The following MSN variants were observed in gnomAD, a reference collection of about 807,000 sequenced individuals.
MSN encodes the protein epididymis luminal protein 70.
Under a neutral mutation model 48.0 loss-of-function variants are expected in MSN, and 2 were observed. That is an observed-to-expected ratio of 0.04 (90% CI 0.02 to 0.13). The LOEUF (loss-of-function observed/expected upper bound fraction) is 0.13, where lower values mean the gene tolerates loss of function less well. MSN is among the 10% of genes least tolerant of loss of function. The probability of loss-of-function intolerance (pLI) is 1.00; values close to 1 mark genes in which losing one functional copy is unlikely to be tolerated. For synonymous variants in MSN, 146 were observed against 166.9 expected (o/e 0.87, Z 0.97); for missense variants, 267 against 470.1 (o/e 0.57, Z 3.99).
intron 1 of MSN, among the ~76,000 whole-genome samples, chrX:65,675,348 G>A (rs1346163581): frequency 1.8e-5 from 2 of 111,277 alleles, no homozygotes; most frequent in African/African-American, 6.5e-5. Flanking sequence ...GACATGAACA[G>A]GGCCTTAAAG....
intron 1 of MSN, among the ~76,000 whole-genome samples, chrX:65,619,886 G>T (rs915437959): frequency 9.1e-6 from 1 of 109,659 alleles, no homozygotes; most frequent in Non-Finnish European, 1.9e-5. Flanking sequence ...ATGGGTTTTT[G>T]GTGTGGATGT....
At chrX:65,712,799 C>T (rs1380879801) in intron 1 of MSN, among the ~76,000 whole-genome samples, 1 of 111,405 alleles carries the variant, frequency 9.0e-6, no homozygotes, top group East Asian at 2.8e-4. Flanking sequence ...TGTGGCTGTA[C>T]TATATACATT....
chrX:65,693,577 G>A (rs966304060), intron 1 of MSN, among the ~76,000 whole-genome samples: 5 of 111,822 alleles, frequency 4.5e-5, no homozygotes, highest in Non-Finnish European at 9.4e-5. Flanking sequence ...GTCTTCCTGC[G>A]ATTTTTTTGG....
chrX:65,725,648 C>G (rs1184077475), intron 2 of MSN, among the ~76,000 whole-genome samples: 1 of 111,950 alleles, frequency 8.9e-6, no homozygotes, highest in Admixed American at 9.5e-5. Context: ...TACATTTCAA[C>G]ATAAGCATTC....
intron 1 of MSN, among the ~76,000 whole-genome samples, chrX:65,651,789 A>T (rs1425323752): frequency 3.8e-5 from 4 of 105,942 alleles, no homozygotes; most frequent in African/African-American, 1.4e-4. Context: ...GGGTTTCATC[A>T]CATTGGCCAC....
intron 1 of MSN, among the ~76,000 whole-genome samples, chrX:65,616,289 CCTTGGGCAGTA>C (rs1444488184): frequency 2.9e-5 from 3 of 102,176 alleles, no homozygotes; most frequent in Admixed American, 1.1e-4. Context: ...CTGTAAATTA[CCTTGGGCAGTA>C]TGGCCATTTT....
chrX:65,649,566 A>T (rs1390977822), intron 1 of MSN, among the ~76,000 whole-genome samples: 1 of 90,667 alleles, frequency 1.1e-5, no homozygotes, highest in African/African-American at 4.4e-5. Flanking sequence ...ACAGAGAGAG[A>T]CTCTATCTCA....
At chrX:65,672,183 G>C (rs755848494) in intron 1 of MSN, among the ~76,000 whole-genome samples, 21 of 112,241 alleles carry the variant, frequency 1.9e-4, no homozygotes, top group African/African-American at 6.8e-4. Context: ...GGTCCCCAGA[G>C]GGGAGAATAT....
At chrX:65,609,799 C>T (rs951521889) in intron 1 of MSN, among the ~76,000 whole-genome samples, 1 of 110,893 alleles carries the variant, frequency 9.0e-6, no homozygotes, top group Admixed American at 9.6e-5. Flanking sequence ...AGGAGAATCA[C>T]TCGAACCCGG....
At chrX:65,641,066 G>A (rs986187341) in intron 1 of MSN, among the ~76,000 whole-genome samples, 9 of 111,032 alleles carry the variant, frequency 8.1e-5, no homozygotes, top group Admixed American at 2.9e-4. Flanking sequence ...CCAAGGTCGC[G>A]CCATTGCACT....
intron 1 of MSN, among the ~76,000 whole-genome samples, chrX:65,616,446 G>A (rs1278394839): frequency 1.3e-5 from 1 of 74,694 alleles, no homozygotes; most frequent in Non-Finnish European, 2.6e-5. Context: ...GGATTCCTAG[G>A]TATTTTATTC....
chrX:65,598,102 C>G (rs1215253837), intron 1 of MSN, among the ~76,000 whole-genome samples: 1 of 111,166 alleles, frequency 9.0e-6, no homozygotes, highest in African/African-American at 3.3e-5. Flanking sequence ...CAGGAAGCAC[C>G]AGAACTATTT....
chrX:65,673,284 T>G (rs1211952604), intron 1 of MSN, among the ~76,000 whole-genome samples: 2 of 111,466 alleles, frequency 1.8e-5, no homozygotes, highest in Admixed American at 1.9e-4. Context: ...CCTTTTTATT[T>G]CTGCTGAAAG....
rs2071626279 is a variant in MSN at position 65,731,906 on chromosome X, G to A, written c.620G>A (p.Ser207Asn). The change falls in exon 6 of 13, where the codon AGC becomes AAC. Residue 207 changes from serine to asparagine, a missense_variant. Transcript: ENST00000360270. ...DLEMYGVNYFSIKNKKGSELW... is the reference protein window; with the variant it reads ...DLEMYGVNYFNIKNKKGSELW... ...GAGATGTATGGTGTGAACTACTTCA[G>A]CATCAAGAACAAGAAAGGCTCAGAG... 8.3e-7 allele frequency: 1 copy of A among 1,208,249 alleles called. No homozygotes were observed. The highest frequency in any genetic ancestry group is 1.8e-5 in the African/African-American group (1 of 56,832).
At position 65,667,863 on chromosome X, in the gene MSN, G is replaced by A. The variant is rs1177915971; in HGVS notation, c.12+10G>A. On this transcript the variant is annotated intron_variant, in intron 1 of 12. Transcript: ENST00000360270. ...CACCATGCCCAAAACGGTGAGTGCC[G>A]GAGGTGGGCGCTGTCGACCCCAATG... 35 of 1,207,208 alleles carry A rather than the reference G, an allele frequency of 2.9e-5. No individual in the cohort carries two copies. Among genetic ancestry groups the A allele is most frequent in the African/African-American group, 3.5e-5 (2 of 57,420 alleles).
chrX:65,675,810 G>C (rs896710287), intron 1 of MSN, among the ~76,000 whole-genome samples: 6 of 110,618 alleles, frequency 5.4e-5, no homozygotes, highest in African/African-American at 2.0e-4. Context: ...GCCAATTTTT[G>C]TATTTTTAGT....
intron 1 of MSN, chrX:65,600,602 T>C (rs2070227048): frequency 8.9e-6 from 1 of 111,958 alleles, no homozygotes; most frequent in Non-Finnish European, 1.9e-5. Context: ...GGAATTACCA[T>C]AATGTGTTTG....
At chrX:65,606,181 G>A (rs1483426732) in intron 1 of MSN, among the ~76,000 whole-genome samples, 1 of 107,220 alleles carries the variant, frequency 9.3e-6, no homozygotes, top group African/African-American at 3.4e-5. Flanking sequence ...CCAGGCTGGA[G>A]TGCAGTGGCA....
chrX:65,647,164 G>T (rs2070700755), intron 1 of MSN, among the ~76,000 whole-genome samples: 1 of 109,675 alleles, frequency 9.1e-6, no homozygotes, highest in South Asian at 3.9e-4. Context: ...GCAAACTGTA[G>T]TAAGTTAGTA....
Sources: gnomAD v4.1 joint callset for allele counts (sites outside exome capture counted in the v4.1 genomes callset) on GRCh38, gnomAD v4.1.1 for gene constraint, MANE v1.5 for transcripts, NCBI Gene and HGNC (gene_info 2026-07-23, HGNC 2026-07-21) for gene names.